The following DLGAP2 variants were observed in gnomAD, a reference collection of about 807,000 sequenced individuals.
The protein encoded by DLGAP2 is DLG associated protein 2.
Under a neutral mutation model 100.3 loss-of-function variants are expected in DLGAP2, and 26 were observed. The observed-to-expected ratio is 0.26, with a 90% CI of 0.19 to 0.36. The LOEUF (loss-of-function observed/expected upper bound fraction) is 0.36, where lower values mean the gene tolerates loss of function less well. Ranked by LOEUF, DLGAP2 falls within the 10% of genes least tolerant of loss-of-function variation. The probability of loss-of-function intolerance (pLI) is 1.00; values close to 1 mark genes in which losing one functional copy is unlikely to be tolerated. For missense variants in DLGAP2, 1,858 were observed against 1,453.2 expected, an observed-to-expected ratio of 1.28 and a Z score of -4.53; for synonymous variants, 886 against 630.1, an observed-to-expected ratio of 1.41 and a Z score of -6.08.
At chr8:1,625,886 A>G (rs1797477871) in intron 6 of DLGAP2, among the ~76,000 whole-genome samples, 1 of 152,258 alleles carries the variant, frequency 6.6e-6, no homozygotes, top group Admixed American at 6.5e-5. Context: ...AAAGTTACTC[A>G]TCAAGACACA....
intron 2 of DLGAP2, among the ~76,000 whole-genome samples, chr8:1,051,318 G>C (rs975807281): frequency 6.6e-6 from 1 of 152,066 alleles, no homozygotes; most frequent in Non-Finnish European, 1.5e-5. Flanking sequence ...AGGGGCACCG[G>C]GCTGTGTTGT....
intron 2 of DLGAP2, among the ~76,000 whole-genome samples, chr8:921,846 G>A (rs964427123): frequency 2.0e-5 from 3 of 152,232 alleles, no homozygotes; most frequent in African/African-American, 4.8e-5. Flanking sequence ...CTCACCCACC[G>A]CTGGTCTCTG....
intron 1 of DLGAP2, among the ~76,000 whole-genome samples, chr8:829,330 CCT>C (rs1796739634): frequency 6.6e-6 from 1 of 152,188 alleles, no homozygotes; most frequent in Admixed American, 6.5e-5. Context: ...GTTTGTTCCA[CCT>C]GTCCCATTTC....
chr8:1,144,517 AT>A (rs1406417280), intron 2 of DLGAP2, among the ~76,000 whole-genome samples: 1 of 152,154 alleles, frequency 6.6e-6, no homozygotes, highest in African/African-American at 2.4e-5. Context: ...CAAACAAAAG[AT>A]TCTTGCTTTG....
chr8:1,334,028 G>C (rs1801217149), intron 3 of DLGAP2, among the ~76,000 whole-genome samples: 1 of 152,236 alleles, frequency 6.6e-6, no homozygotes, highest in African/African-American at 2.4e-5. Flanking sequence ...CCTTGCGTGA[G>C]GAAGGCCCAC....
chr8:1,651,271 T>G (rs367663651), intron 8 of DLGAP2, among the ~76,000 whole-genome samples: 1 of 152,308 alleles, frequency 6.6e-6, no homozygotes, highest in East Asian at 1.9e-4. Context: ...ATTCTGTGTG[T>G]TCTGTGTGGC....
intron 3 of DLGAP2, among the ~76,000 whole-genome samples, chr8:1,271,328 A>G (rs549959704): frequency 6.6e-6 from 1 of 152,144 alleles, no homozygotes; most frequent in African/African-American, 2.4e-5. Context: ...GCCCATTTCA[A>G]TGCGATTCTG....
intron 2 of DLGAP2, among the ~76,000 whole-genome samples, chr8:946,562 C>G (rs556542429): frequency 6.8e-4 from 104 of 152,302 alleles, no homozygotes; most frequent in Admixed American, 1.4e-3. Flanking sequence ...CGCGCCCGGC[C>G]CGTTCCTTAG....
chr8:1,275,837 T>TAATATATA (rs1799674414), intron 3 of DLGAP2, among the ~76,000 whole-genome samples: 1 of 119,754 alleles, frequency 8.4e-6, no homozygotes, highest in African/African-American at 3.3e-5. Context: ...AATAAATATA[T>TAATATATA]AATATATAAA....
At chr8:1,049,085 T>G (rs1802598503) in intron 2 of DLGAP2, among the ~76,000 whole-genome samples, 1 of 152,196 alleles carries the variant, frequency 6.6e-6, no homozygotes, top group South Asian at 2.1e-4. Flanking sequence ...TAGCCTGCAT[T>G]CCTGCAAAAT....
chr8:1,662,418 G>A (rs1031696008), intron 8 of DLGAP2, among the ~76,000 whole-genome samples: 1 of 152,170 alleles, frequency 6.6e-6, no homozygotes, highest in African/African-American at 2.4e-5. Context: ...TGAAATAAGT[G>A]CCTCTTTCAT....
Position 1,621,541 on chromosome 8 carries a change from A to G in DLGAP2, c.1443-5199A>G, listed in dbSNP as rs1472258065. The G allele has an allele frequency of 2.6e-5, 4 of 152,506 alleles. No homozygotes were observed. In the East Asian group the frequency reaches 7.7e-4, roughly 29 times the overall value. 9.4% of individuals were successfully genotyped at this position (152,506 alleles called of 1,614,324 possible). ...ACTCTCAGCTGGCCGTGGGTCAGCC[A>G]TTGCAGCCCCACCTGCCACGGGCTC... On this transcript the variant is annotated intron_variant, in intron 6 of 14. Coordinates refer to ENST00000637795, the MANE Select transcript of DLGAP2 (RefSeq NM_001346810.2).
At chr8:1,429,889 C>T (rs1278868432) in intron 3 of DLGAP2, among the ~76,000 whole-genome samples, 4 of 149,502 alleles carry the variant, frequency 2.7e-5, no homozygotes, top group Non-Finnish European at 4.5e-5. Context: ...GGAGTCAAGC[C>T]GATGCTCAGA....
At chr8:1,507,220 A>AG (rs1289453782) in intron 4 of DLGAP2, among the ~76,000 whole-genome samples, 1 of 152,200 alleles carries the variant, frequency 6.6e-6, no homozygotes, top group African/African-American at 2.4e-5. Context: ...AGCGTCCATC[A>AG]GGGAGGCTTG....
At chr8:1,353,816 T>A (rs1015280573) in intron 3 of DLGAP2, among the ~76,000 whole-genome samples, 9 of 152,176 alleles carry the variant, frequency 5.9e-5, no homozygotes, top group African/African-American at 9.7e-5. Context: ...TTGCAATACA[T>A]TGACACAAAA....
chr8:1,626,795 G>A lies in DLGAP2; in HGVS notation c.1498G>A (p.Ala500Thr), dbSNP rs764298685. 3.0e-5 allele frequency: 48 copies of A among 1,603,354 alleles called. 1 individual carries two copies. The highest frequency in any genetic ancestry group is 2.2e-4 in the Admixed American group (13 of 58,904). The change falls in exon 7 of 15, where the codon GCT becomes ACT. Residue 500 changes from alanine to threonine, a missense_variant. Ala to Thr is a moderately conservative substitution (Grantham distance 58). Coordinates refer to ENST00000637795, the MANE Select transcript of DLGAP2 (RefSeq NM_001346810.2). ...DVPVGHSLDP[A>T]ANYNSPKFRS... ...GCCTGTGGGACACAGCCTGGACCCCGCTGCGAACTACAACTCCCCGAAATT... is the reference window on the plus strand; with the variant it reads ...GCCTGTGGGACACAGCCTGGACCCCACTGCGAACTACAACTCCCCGAAATT...
chr8:958,411 C>G (rs747409402), intron 2 of DLGAP2, among the ~76,000 whole-genome samples: 1 of 152,006 alleles, frequency 6.6e-6, no homozygotes, highest in South Asian at 2.1e-4. Context: ...TCATCTCCCT[C>G]GGGAATGACC....
intron 2 of DLGAP2, among the ~76,000 whole-genome samples, chr8:995,210 C>A (rs114002197): frequency 6.6e-6 from 1 of 152,008 alleles, no homozygotes; most frequent in African/African-American, 2.4e-5. Context: ...TTCACATTAC[C>A]GTATAAAACA....
intron 2 of DLGAP2, among the ~76,000 whole-genome samples, chr8:1,060,363 A>C (rs13264775): frequency 0.23 from 13,332 of 58,440 alleles, 771 homozygotes; most frequent in Non-Finnish European, 0.27. Context: ...GTGGATAGAT[A>C]CCCTCCCAAG....
Sources: gnomAD v4.1 joint callset for allele counts (sites outside exome capture counted in the v4.1 genomes callset) on GRCh38, gnomAD v4.1.1 for gene constraint, MANE v1.5 for transcripts, NCBI Gene and HGNC (gene_info 2026-07-23, HGNC 2026-07-21) for gene names.